UBE2E2: variants seen among roughly 807,000 people sequenced by gnomAD.
UBE2E2 encodes ubiquitin conjugating enzyme E2 E2.
In UBE2E2, 6 loss-of-function variants were observed where a neutral mutation model predicts 24.7. The ratio of observed to expected loss-of-function variants is 0.24; its 90% CI spans 0.13 to 0.48. The LOEUF is 0.48. Ranked by LOEUF, UBE2E2 falls within the 20% of genes least tolerant of loss-of-function variation. UBE2E2 has a pLI of 0.99. For missense variants in UBE2E2, 169 were observed against 245.0 expected, an observed-to-expected ratio of 0.69 and a Z score of 2.07; for synonymous variants, 104 against 83.6, an observed-to-expected ratio of 1.24 and a Z score of -1.33.
At position 23,425,196 on chromosome 3, in the gene UBE2E2, A is replaced by G. The variant is rs959472323; in HGVS notation, c.228-74412A>G. On this transcript the variant is annotated intron_variant, in intron 3 of 5. Coordinates refer to ENST00000396703, the MANE Select transcript of UBE2E2 (RefSeq NM_152653.4). ...TCCATAAGGACTAATTTCTTTTAGCATAACTATAATGCCATTAAAACAGCT... is the reference window on the plus strand; with the variant it reads ...TCCATAAGGACTAATTTCTTTTAGCGTAACTATAATGCCATTAAAACAGCT... 5.9e-5 allele frequency among the ~76,000 whole-genome samples: 9 copies of G among 152,332 alleles called. 1 individual carries two copies. In the South Asian group the frequency reaches 1.9e-3, roughly 32 times the overall value.
chr3:23,398,919 T>C lies in UBE2E2; in HGVS notation c.228-100689T>C, dbSNP rs186394738. The stretch of plus-strand genomic sequence containing the variant: ...GGTAGAATAAGAACTTTTTCTTAGA[T>C]AAAAATAAAAACTGTGTGTGTTGAA... On this transcript the variant is annotated intron_variant, in intron 3 of 5. Coordinates refer to ENST00000396703, the MANE Select transcript of UBE2E2 (RefSeq NM_152653.4). 1.9e-4 allele frequency among the ~76,000 whole-genome samples: 29 copies of C among 152,292 alleles called. No homozygotes were observed. In the East Asian group the frequency reaches 5.6e-3, roughly 29 times the overall value.
At chr3:23,410,635 A>G (rs1697476186) in intron 3 of UBE2E2, among the ~76,000 whole-genome samples, 2 of 152,198 alleles carry the variant, frequency 1.3e-5, no homozygotes, top group Admixed American at 1.3e-4. Context: ...TAGAATATGT[A>G]TTATCTGCCC....
chr3:23,444,060 G>GTTTT (rs1359491293), intron 3 of UBE2E2, among the ~76,000 whole-genome samples: 3 of 125,676 alleles, frequency 2.4e-5, no homozygotes, highest in African/African-American at 9.7e-5. Context: ...TTCTTCACCA[G>GTTTT]TTTTGTTTTT....
chr3:23,561,080 C>A (rs1381881659), intron 5 of UBE2E2, among the ~76,000 whole-genome samples: 1 of 152,080 alleles, frequency 6.6e-6, no homozygotes, highest in Non-Finnish European at 1.5e-5. Context: ...TAATTAGATC[C>A]CATTTGTCAA....
At chr3:23,552,747 C>T (rs1695673415) in intron 5 of UBE2E2, among the ~76,000 whole-genome samples, 1 of 152,152 alleles carries the variant, frequency 6.6e-6, no homozygotes, top group South Asian at 2.1e-4. Context: ...GTTGTTGCCA[C>T]ATGAATGCAA....
chr3:23,493,176 C>T (rs1559401569), intron 3 of UBE2E2, among the ~76,000 whole-genome samples: 1 of 152,252 alleles, frequency 6.6e-6, no homozygotes, highest in East Asian at 1.9e-4. Flanking sequence ...AGTGAAAAAG[C>T]AGTAGACACA....
chr3:23,282,587 A>G (rs1015660201), intron 3 of UBE2E2, among the ~76,000 whole-genome samples: 1 of 152,186 alleles, frequency 6.6e-6, no homozygotes, highest in Non-Finnish European at 1.5e-5. Context: ...GTAATACTAC[A>G]TTTGATTGTC....
chr3:23,324,927 G>A (rs572528132), intron 3 of UBE2E2, among the ~76,000 whole-genome samples: 1 of 152,252 alleles, frequency 6.6e-6, no homozygotes, highest in Non-Finnish European at 1.5e-5. Flanking sequence ...ATATGATAAA[G>A]ATTGTGGTTT....
intron 3 of UBE2E2, among the ~76,000 whole-genome samples, chr3:23,311,810 T>G (rs1294242551): frequency 6.6e-6 from 1 of 152,198 alleles, no homozygotes; most frequent in African/African-American, 2.4e-5. Context: ...TGACACAGGC[T>G]TACACATCAA....
intron 4 of UBE2E2, among the ~76,000 whole-genome samples, chr3:23,530,247 T>A (rs1441701056): frequency 6.6e-6 from 1 of 152,334 alleles, no homozygotes; most frequent in East Asian, 1.9e-4. Context: ...GTGTCTTCAT[T>A]CACTCCCTTG....
intron 3 of UBE2E2, among the ~76,000 whole-genome samples, chr3:23,379,802 G>A (rs1696620631): frequency 6.6e-6 from 1 of 152,108 alleles, no homozygotes; most frequent in Non-Finnish European, 1.5e-5. Flanking sequence ...AGAAAGTAGG[G>A]CAGGTAAGCT....
At chr3:23,284,737 A>G (rs1314516269) in intron 3 of UBE2E2, among the ~76,000 whole-genome samples, 1 of 151,806 alleles carries the variant, frequency 6.6e-6, no homozygotes, top group Admixed American at 6.6e-5. Context: ...TAGGAATACA[A>G]TGTATAAGAT....
At chr3:23,346,380 TCAC>T (rs113988860) in intron 3 of UBE2E2, among the ~76,000 whole-genome samples, 6,584 of 152,238 alleles carry the variant, frequency 0.043, 482 homozygotes, top group African/African-American at 0.15. Context: ...GATACTATCA[TCAC>T]ATCATCACAC....
intron 3 of UBE2E2, among the ~76,000 whole-genome samples, chr3:23,355,377 A>G (rs1228643317): frequency 6.6e-6 from 1 of 152,164 alleles, no homozygotes; most frequent in African/African-American, 2.4e-5. Flanking sequence ...AAGTATAATA[A>G]TAATGAAAGA....
At chr3:23,313,526 A>G (rs146836506) in intron 3 of UBE2E2, among the ~76,000 whole-genome samples, 2,386 of 151,700 alleles carry the variant, frequency 0.016, 67 homozygotes, top group African/African-American at 0.054. Context: ...CTGGGATTAC[A>G]GGCGCATACC....
intron 3 of UBE2E2, among the ~76,000 whole-genome samples, chr3:23,484,336 C>T (rs1699316342): frequency 6.6e-6 from 1 of 152,188 alleles, no homozygotes; most frequent in South Asian, 2.1e-4. Flanking sequence ...AAACCATATA[C>T]TTATCCTGAG....
At chr3:23,303,909 C>T (rs919598268) in intron 3 of UBE2E2, among the ~76,000 whole-genome samples, 2 of 152,202 alleles carry the variant, frequency 1.3e-5, no homozygotes. Context: ...GGGCAAATTT[C>T]AACCAATGTA....
chr3:23,389,935 A>G (rs1379181310), intron 3 of UBE2E2: 1 of 153,432 alleles, frequency 6.5e-6, no homozygotes, highest in Non-Finnish European at 1.5e-5. Flanking sequence ...AAAAGATGCA[A>G]ATCAAATGGA....
At chr3:23,213,158 G>A (rs1696376495) in intron 2 of UBE2E2, among the ~76,000 whole-genome samples, 3 of 152,056 alleles carry the variant, frequency 2.0e-5, no homozygotes, top group Non-Finnish European at 2.9e-5. Flanking sequence ...ATTACTTTGC[G>A]AATCTGCGTA....
Sources: allele counts gnomAD v4.1 joint callset (sites outside exome capture counted in the v4.1 genomes callset), GRCh38; gene constraint gnomAD v4.1.1; transcripts MANE v1.5; gene names NCBI Gene and HGNC (gene_info 2026-07-23, HGNC 2026-07-21).